Variants in NRIP1 observed in about 807,000 individuals in gnomAD.
NRIP1 encodes the protein nuclear receptor interacting protein 1.
Under a neutral mutation model 75.0 loss-of-function variants are expected in NRIP1, and 28 were observed. The observed-to-expected ratio is 0.37, with a 90% confidence interval of 0.28 to 0.51. The LOEUF is 0.51. NRIP1 is among the 20% of genes least tolerant of loss of function. NRIP1 has a pLI of 0.92. For synonymous variants in NRIP1, 526 were observed against 487.6 expected (o/e 1.08, Z -1.04); for missense variants, 1,435 against 1,343.7 (o/e 1.07, Z -1.06).
intron 3 of NRIP1, among the ~76,000 whole-genome samples, chr21:14,993,372 C>A (rs935274310): frequency 5.3e-5 from 8 of 152,118 alleles, no homozygotes; most frequent in African/African-American, 1.9e-4. Flanking sequence ...ATGTACGAGT[C>A]AGATTTTCCA....
At chr21:14,982,685 C>T (rs982297174) in intron 3 of NRIP1, among the ~76,000 whole-genome samples, 1 of 150,820 alleles carries the variant, frequency 6.6e-6, no homozygotes, top group Non-Finnish European at 1.5e-5. Context: ...TTGTACTTTG[C>T]CATTATTGTG....
Position 14,967,096 on chromosome 21 carries a change from A to G in NRIP1, c.1097T>C (p.Leu366Pro), listed in dbSNP as rs572391871. 8 of 1,613,998 alleles carry G rather than the reference A, an allele frequency of 5.0e-6. No homozygotes were observed. Among genetic ancestry groups the G allele is most frequent in the Non-Finnish European group, 6.8e-6 (8 of 1,180,006 alleles). ...SPKNAGYKNS[L>P]ERNNIKQAAN... ...AGCTTGTTTTATATTGTTTCTTTCC[A>G]GTGAGTTCTTATAACCTGCATTTTT... is the stretch of plus-strand genomic sequence containing the variant. The change falls in exon 4 of 4, where the codon CTG (leucine) becomes CCG (proline). Residue 366 changes from leucine (L) to proline (P), a missense_variant. Coordinates refer to ENST00000318948, the MANE Select transcript of NRIP1 (RefSeq NM_003489.4).
chr21:15,052,199 T>C (rs958650607), intron 1 of NRIP1: 10 of 152,170 alleles, frequency 6.6e-5, no homozygotes, highest in African/African-American at 2.4e-4. Flanking sequence ...TTCATAGCTT[T>C]TCCGTGGCAA....
Position 15,030,892 on chromosome 21 carries a change from C to T in NRIP1, c.-458+12603G>A, listed in dbSNP as rs79889613. On this transcript the variant is annotated intron_variant, in intron 2 of 3. Transcript: ENST00000318948. ...CTATGTGTGTACACTCTGGAAGGCGCTCGGAGGATCACCACATTCCCTTTC... is the reference window on the plus strand; with the variant it reads ...CTATGTGTGTACACTCTGGAAGGCGTTCGGAGGATCACCACATTCCCTTTC... 8.3e-3 allele frequency among the ~76,000 whole-genome samples: 1,067 copies of T among 128,894 alleles called. 15 individuals are homozygous for T. The East Asian group carries it at 0.15, about 18-fold the overall frequency. 84.6% of individuals were successfully genotyped at this position (128,894 alleles called of 152,430 possible).
intron 1 of NRIP1, among the ~76,000 whole-genome samples, chr21:15,061,893 A>G (rs1309281647): frequency 6.6e-6 from 1 of 152,216 alleles, no homozygotes; most frequent in Non-Finnish European, 1.5e-5. Context: ...TGATCTTTCT[A>G]GAGTCAAGGA....
At chr21:15,046,915 G>A (rs1446939142) in intron 1 of NRIP1, among the ~76,000 whole-genome samples, 1 of 151,996 alleles carries the variant, frequency 6.6e-6, no homozygotes, top group African/African-American at 2.4e-5. Flanking sequence ...ATCTCCTCTC[G>A]GCCTTTGTGG....
chr21:15,019,975 G>A (rs1285052325), intron 2 of NRIP1, among the ~76,000 whole-genome samples: 1 of 152,104 alleles, frequency 6.6e-6, no homozygotes, highest in Non-Finnish European at 1.5e-5. Context: ...AAACACTGTT[G>A]AGGGAAATTA....
chr21:15,014,509 A>G, intron 2 of NRIP1, 43 bp from the exon 3 acceptor site: 1 of 398,366 alleles, frequency 2.5e-6, no homozygotes, highest in Non-Finnish European at 4.4e-6. Flanking sequence ...ATTCCAAACC[A>G]GATTCTGGAA....
intron 2 of NRIP1, among the ~76,000 whole-genome samples, chr21:15,031,617 A>G (rs369210701): frequency 1.1e-4 from 12 of 112,170 alleles, no homozygotes; most frequent in East Asian, 2.7e-4. Context: ...TTCCCTTTCT[A>G]TGTGTATACA....
chr21:15,033,408 T>C (rs1444825441), intron 2 of NRIP1, among the ~76,000 whole-genome samples: 1 of 152,116 alleles, frequency 6.6e-6, no homozygotes, highest in Non-Finnish European at 1.5e-5. Flanking sequence ...AGTAAGTAAG[T>C]GGCAGAGTTG....
chr21:15,064,132 T>C (rs1046776126), intron 1 of NRIP1, among the ~76,000 whole-genome samples: 1 of 152,168 alleles, frequency 6.6e-6, no homozygotes, highest in Non-Finnish European at 1.5e-5. Context: ...TCACCCTAAA[T>C]GGGGGCCGGC....
chr21:14,985,681 T>C (rs572773501), intron 3 of NRIP1, among the ~76,000 whole-genome samples: 15 of 152,330 alleles, frequency 9.8e-5, no homozygotes, highest in African/African-American at 3.6e-4. Context: ...CATACTAATT[T>C]GGTTTCTTTT....
rs1978732752 is a variant in NRIP1, at chr21:15,064,848, A to G, written c.-641T>C. 1 of 147,890 alleles carries G rather than the reference A, an allele frequency of 6.8e-6. No individual in the cohort carries two copies. The highest frequency in any genetic ancestry group is 2.4e-5 in the African/African-American group (1 of 40,922). 9.2% of individuals were successfully genotyped at this position (147,890 alleles called of 1,614,324 possible). ...GCGCCCCGGCGAGCTCTTCCCTCCG[A>G]CCAGCGGCGCTCACGGCGCAGCGGC... On this transcript the variant is annotated 5_prime_UTR_variant, in exon 1 of 4. Coordinates refer to ENST00000318948, the MANE Select transcript of NRIP1 (RefSeq NM_003489.4).
At chr21:15,036,333 T>C (rs948047522) in intron 2 of NRIP1, among the ~76,000 whole-genome samples, 1 of 152,198 alleles carries the variant, frequency 6.6e-6, no homozygotes, top group African/African-American at 2.4e-5. Flanking sequence ...GTAAAGAAGA[T>C]TGAGAAACTA....
chr21:14,981,265 T>G (rs1568954760), intron 3 of NRIP1, among the ~76,000 whole-genome samples: 1 of 152,176 alleles, frequency 6.6e-6, no homozygotes, highest in African/African-American at 2.4e-5. Context: ...CTTTAAATGG[T>G]TTTATTTATT....
intron 3 of NRIP1, among the ~76,000 whole-genome samples, chr21:14,975,758 C>T (rs1381611596): frequency 1.3e-5 from 2 of 151,488 alleles, no homozygotes; most frequent in African/African-American, 2.4e-5. Flanking sequence ...TAGACACTTC[C>T]GTTATTTTTA....
At chr21:14,989,071 T>C (rs1391808738) in intron 3 of NRIP1, among the ~76,000 whole-genome samples, 1 of 152,204 alleles carries the variant, frequency 6.6e-6, no homozygotes, top group Non-Finnish European at 1.5e-5. Context: ...AGTCCTCCTG[T>C]ACCTGAGCTT....
chr21:14,982,554 T>C (rs1020667398), intron 3 of NRIP1, among the ~76,000 whole-genome samples: 3 of 152,176 alleles, frequency 2.0e-5, no homozygotes, highest in Non-Finnish European at 4.4e-5. Flanking sequence ...CAGCCTTCAC[T>C]GAACTCCATA....
Position 14,962,017 on chromosome 21 carries a change from A to ATATATATATATATATATATATATACATAT in NRIP1, c.*2698_*2699insATATGTATATATATATATATATATATATA, listed in dbSNP as rs1568930029. ...GTCAATATATATATATATACATATT[A>ATATATATATATATATATATATATACATAT]TATATATATATATATATATATATAT... On this transcript the variant is annotated 3_prime_UTR_variant, in exon 4 of 4. Transcript: ENST00000318948. The ATATATATATATATATATATATATACATAT allele has an allele frequency of 8.2e-5, 1 of 12,268 alleles. No individual in the cohort carries two copies. Among genetic ancestry groups the ATATATATATATATATATATATATACATAT allele is most frequent in the Non-Finnish European group, 1.2e-4 (1 of 8,456 alleles). The allele number at this position is 12,268 out of a possible 1,614,324, so 0.8% of individuals were successfully genotyped here.
Sources: allele counts gnomAD v4.1 joint callset (sites outside exome capture counted in the v4.1 genomes callset), GRCh38; gene constraint gnomAD v4.1.1; transcripts MANE v1.5; gene names NCBI Gene and HGNC (gene_info 2026-07-23, HGNC 2026-07-21).